The following ROBO1 variants were observed in gnomAD, a reference collection of about 807,000 sequenced individuals.
The protein encoded by ROBO1 is roundabout homolog 1.
A neutral mutation model predicts 195.9 loss-of-function variants in ROBO1; 149 were observed. That is an observed-to-expected ratio of 0.76 (90% CI 0.67 to 0.87). ROBO1 has a LOEUF of 0.87. ROBO1 is among the 40% of genes least tolerant of loss of function. The pLI, the probability that ROBO1 is intolerant of heterozygous loss-of-function variation, is 0.00. For synonymous variants in ROBO1, 816 were observed against 733.2 expected, an observed-to-expected ratio of 1.11 and a Z score of -1.82; for missense variants, 1,933 against 2,068.3, an observed-to-expected ratio of 0.93 and a Z score of 1.27.
rs1262951258 is a variant in ROBO1 at position 78,617,872 on chromosome 3, G to A, written c.4045C>T (p.Arg1349Cys). Residue 1349 changes from arginine to cysteine, a missense_variant, in exon 27 of 31, where the codon CGT becomes TGT. Physicochemically the swap from Arg to Cys is radical, Grantham distance 180. Coordinates refer to ENST00000464233, the MANE Select transcript of ROBO1 (RefSeq NM_002941.4). Reference sequence around the variant, plus strand: ...GAGGCAGGTGTCTGCTCAAGCCCACGTAACAAAAGCCTTCTGGTTTGCATC... The same window carrying A: ...GAGGCAGGTGTCTGCTCAAGCCCACATAACAAAAGCCTTCTGGTTTGCATC... ...AKMQTRRLLLRGLEQTPASSV... is the reference protein window; with the variant it reads ...AKMQTRRLLLCGLEQTPASSV... The A allele has an allele frequency of 3.7e-6, 6 of 1,613,978 alleles. No individual in the cohort carries two copies. Among genetic ancestry groups the A allele is most frequent in the South Asian group, 1.1e-5 (1 of 91,082 alleles).
At chr3:79,466,937 T>C (rs1937992984) in intron 2 of ROBO1, among the ~76,000 whole-genome samples, 1 of 152,098 alleles carries the variant, frequency 6.6e-6, no homozygotes, top group African/African-American at 2.4e-5. Flanking sequence ...TGGTGGAAAC[T>C]ATGATACTAG....
chr3:78,743,133 C>A (rs2082573073), intron 5 of ROBO1, among the ~76,000 whole-genome samples: 1 of 152,050 alleles, frequency 6.6e-6, no homozygotes, highest in African/African-American at 2.4e-5. Flanking sequence ...CTACAATCAC[C>A]ATTATTTTTT....
intron 4 of ROBO1, among the ~76,000 whole-genome samples, chr3:78,803,587 T>C (rs1369824771): frequency 6.6e-6 from 1 of 152,158 alleles, no homozygotes; most frequent in Non-Finnish European, 1.5e-5. Flanking sequence ...CTAAACAACA[T>C]TTTTAAAGAC....
At chr3:78,695,881 T>C (rs1026275968) in intron 8 of ROBO1, among the ~76,000 whole-genome samples, 3 of 152,032 alleles carry the variant, frequency 2.0e-5, no homozygotes, top group African/African-American at 7.2e-5. Flanking sequence ...AGTAAACAAA[T>C]AGAAGTCATT....
At chr3:78,922,845 G>A (rs911292032) in intron 4 of ROBO1, among the ~76,000 whole-genome samples, 1 of 151,694 alleles carries the variant, frequency 6.6e-6, no homozygotes, top group African/African-American at 2.4e-5. Flanking sequence ...GGATCCACCC[G>A]CCTCTGCCTC....
intron 2 of ROBO1, among the ~76,000 whole-genome samples, chr3:79,566,849 C>A (rs1007169047): frequency 6.6e-6 from 1 of 152,036 alleles, no homozygotes; most frequent in African/African-American, 2.4e-5. Flanking sequence ...TAAATTAGTT[C>A]AACCACTGTG....
At chr3:78,937,388 T>C (rs1240774161) in intron 4 of ROBO1, among the ~76,000 whole-genome samples, 2 of 151,922 alleles carry the variant, frequency 1.3e-5, no homozygotes, top group South Asian at 2.1e-4. Flanking sequence ...ATATCAATTA[T>C]CTTGGAAAAA....
intron 2 of ROBO1, among the ~76,000 whole-genome samples, chr3:79,561,555 A>G (rs980952128): frequency 2.6e-5 from 4 of 152,164 alleles, no homozygotes; most frequent in Admixed American, 6.6e-5. Context: ...GTCATGCTGT[A>G]GATTGTAAAT....
At chr3:79,694,374 G>A (rs1202095192) in intron 1 of ROBO1, among the ~76,000 whole-genome samples, 1 of 151,744 alleles carries the variant, frequency 6.6e-6, no homozygotes, top group African/African-American at 2.4e-5. Context: ...AAGTTTAATA[G>A]ATTTTTAGCT....
At chr3:78,959,676 C>A (rs1045151795) in intron 3 of ROBO1, among the ~76,000 whole-genome samples, 1 of 152,080 alleles carries the variant, frequency 6.6e-6, no homozygotes, top group Non-Finnish European at 1.5e-5. Context: ...CAGAGCTATA[C>A]CATAGATTTG....
intron 3 of ROBO1, among the ~76,000 whole-genome samples, chr3:79,018,222 T>TG (rs1181033427): frequency 2.0e-5 from 3 of 150,428 alleles, no homozygotes; most frequent in Non-Finnish European, 4.4e-5. Context: ...TTTTGGGGAG[T>TG]GGGGAAAAAG....
intron 2 of ROBO1, among the ~76,000 whole-genome samples, chr3:79,461,424 C>T (rs532840405): frequency 6.6e-6 from 1 of 152,186 alleles, no homozygotes; most frequent in East Asian, 1.9e-4. Flanking sequence ...AGAAGTGGCC[C>T]TGAAAATACA....
At position 79,708,152 on chromosome 3, in the gene ROBO1, G is replaced by C. The variant is rs79421953; in HGVS notation, c.-51+59600C>G. Among the ~76,000 whole-genome samples the C allele has an allele frequency of 5.8e-4, 88 of 152,240 alleles. No individual in the cohort carries two copies. In the East Asian group the frequency reaches 0.016, roughly 27 times the overall value. ...ACAACATCACTCTGAGGTTCACTCT[G>C]TTTCTTAAAAGCAGGAGAGGAAAGT... is the stretch of plus-strand genomic sequence containing the variant. On this transcript the variant is annotated intron_variant, in intron 1 of 30. Transcript: ENST00000464233.
At chr3:78,678,519 A>C (rs2107774639) in intron 10 of ROBO1, among the ~76,000 whole-genome samples, 1 of 152,308 alleles carries the variant, frequency 6.6e-6, no homozygotes. Context: ...CAGAAATACA[A>C]ACTACTATCA....
intron 1 of ROBO1, among the ~76,000 whole-genome samples, chr3:79,653,636 A>G (rs557423887): frequency 6.6e-6 from 1 of 152,080 alleles, no homozygotes; most frequent in Admixed American, 6.6e-5. Flanking sequence ...TCAGTGTCTT[A>G]GATTGTTGAA....
intron 10 of ROBO1, among the ~76,000 whole-genome samples, chr3:78,672,157 TA>T (rs1708098717): frequency 1.3e-5 from 2 of 152,172 alleles, no homozygotes; most frequent in African/African-American, 4.8e-5. Context: ...TATGCATATT[TA>T]AATGGAACAG....
intron 4 of ROBO1, among the ~76,000 whole-genome samples, chr3:78,761,299 A>G (rs2083097992): frequency 6.6e-6 from 1 of 152,132 alleles, no homozygotes; most frequent in Admixed American, 6.6e-5. Flanking sequence ...TTTCTCTGCA[A>G]TGCTGGCAGG....
chr3:79,262,307 A>G (rs1451659144), intron 2 of ROBO1, among the ~76,000 whole-genome samples: 3 of 152,060 alleles, frequency 2.0e-5, no homozygotes, highest in Non-Finnish European at 2.9e-5. Context: ...TTTCTCATCG[A>G]TTCTCTCTCC....
chr3:79,740,799 G>A (rs1244901370), intron 1 of ROBO1, among the ~76,000 whole-genome samples: 2 of 152,128 alleles, frequency 1.3e-5, no homozygotes, highest in Non-Finnish European at 2.9e-5. Flanking sequence ...GTTTTGTTCT[G>A]CACAACAGTT....
Sources: allele counts gnomAD v4.1 joint callset (sites outside exome capture counted in the v4.1 genomes callset), GRCh38; gene constraint gnomAD v4.1.1; transcripts MANE v1.5; gene names NCBI Gene and HGNC (gene_info 2026-07-23, HGNC 2026-07-21).